The following ZNF521 variants were observed in gnomAD, a reference collection of about 807,000 sequenced individuals.
ZNF521 encodes the protein LYST-interacting protein 3.
Under a neutral mutation model 105.5 loss-of-function variants are expected in ZNF521, and 14 were observed. That is an observed-to-expected ratio of 0.13 (90% CI 0.09 to 0.21). The LOEUF (loss-of-function observed/expected upper bound fraction) is 0.21. ZNF521 is among the 10% of genes least tolerant of loss of function. The probability of loss-of-function intolerance (pLI) is 1.00; values close to 1 mark genes in which losing one functional copy is unlikely to be tolerated. For synonymous variants in ZNF521, 635 were observed against 606.0 expected, an observed-to-expected ratio of 1.05 and a Z score of -0.70; for missense variants, 1,233 against 1,629.7, an observed-to-expected ratio of 0.76 and a Z score of 4.19.
rs564567054 is a variant in ZNF521 at position 25,062,538 on chromosome 18, C to A, written c.*174G>T. On this transcript the variant is annotated 3_prime_UTR_variant, in exon 8 of 8. Coordinates refer to ENST00000361524, the MANE Select transcript of ZNF521 (RefSeq NM_015461.3). ...ACACTTTATATACAAGGGGTCTATC[C>A]GGTGCGCAAAAGTTCAAACACATGA... 36 of 789,276 alleles carry A rather than the reference C, an allele frequency of 4.6e-5. No homozygotes were observed. The African/African-American group carries it at 6.0e-4, about 13-fold the overall frequency. The allele number at this position is 789,276 out of a possible 1,614,324, so 48.9% of individuals were successfully genotyped here.
chr18:25,295,368 T>C (rs912216561), intron 3 of ZNF521, among the ~76,000 whole-genome samples: 4 of 152,232 alleles, frequency 2.6e-5, no homozygotes, highest in Admixed American at 6.5e-5. Flanking sequence ...TATGCCATTA[T>C]GTTAGAAAGA....
intron 3 of ZNF521, among the ~76,000 whole-genome samples, chr18:25,272,144 C>T (rs2144945791): frequency 6.6e-6 from 1 of 152,130 alleles, no homozygotes; most frequent in East Asian, 1.9e-4. Context: ...ACACAGCCAA[C>T]AAACATATGA....
chr18:25,324,398 CAAAA>C (rs34574068), intron 2 of ZNF521, among the ~76,000 whole-genome samples: 30 of 116,504 alleles, frequency 2.6e-4, no homozygotes, highest in South Asian at 7.4e-4. Context: ...GCAACAGATG[CAAAA>C]AAAAAAAAAA....
chr18:25,286,913 A>C (rs1910736313), intron 3 of ZNF521, among the ~76,000 whole-genome samples: 1 of 152,196 alleles, frequency 6.6e-6, no homozygotes, highest in African/African-American at 2.4e-5. Flanking sequence ...TTCAATTCCA[A>C]ATATCTTTTG....
intron 5 of ZNF521, among the ~76,000 whole-genome samples, chr18:25,114,011 T>A (rs1309707295): frequency 6.6e-6 from 1 of 152,104 alleles, no homozygotes; most frequent in Non-Finnish European, 1.5e-5. Context: ...TTTTCTGCCT[T>A]GTGCCCTCAT....
At position 25,331,318 on chromosome 18, in the gene ZNF521, TA is replaced by T. The variant is rs57412730; in HGVS notation, c.41-9132del. 4.1e-3 allele frequency among the ~76,000 whole-genome samples: 615 copies of T among 148,316 alleles called. 7 individuals carry two copies. The highest frequency in any genetic ancestry group is 0.013 in the African/African-American group (534 of 40,576). On this transcript the variant is annotated intron_variant, in intron 2 of 7. Coordinates refer to ENST00000361524, the MANE Select transcript of ZNF521 (RefSeq NM_015461.3). The stretch of plus-strand genomic sequence containing the variant: ...GATAGTAAAGCAACTTTAAAACTGC[TA>T]AAAAAAAAAATCCACTCTGGAGGAA...
intron 5 of ZNF521, among the ~76,000 whole-genome samples, chr18:25,098,287 G>A (rs894133013): frequency 6.6e-6 from 1 of 152,150 alleles, no homozygotes. Flanking sequence ...TAAGCACACA[G>A]ACTACAATGT....
chr18:25,069,525 T>C (rs909600831), intron 7 of ZNF521, among the ~76,000 whole-genome samples: 1 of 152,210 alleles, frequency 6.6e-6, no homozygotes, highest in African/African-American at 2.4e-5. Context: ...TACCCTACTT[T>C]GCCCACCCCA....
At chr18:25,318,185 T>A (rs568710377) in intron 3 of ZNF521, among the ~76,000 whole-genome samples, 2 of 152,132 alleles carry the variant, frequency 1.3e-5, no homozygotes, top group African/African-American at 4.8e-5. Context: ...CTCATAGACA[T>A]TATGCTGAAC....
intron 3 of ZNF521, among the ~76,000 whole-genome samples, chr18:25,297,381 C>T (rs1911383217): frequency 1.3e-5 from 2 of 152,090 alleles, no homozygotes; most frequent in African/African-American, 4.8e-5. Flanking sequence ...AAAATCAATT[C>T]ACAATATTCA....
chr18:25,263,732 T>A (rs11083113), intron 3 of ZNF521, among the ~76,000 whole-genome samples: 1 of 151,914 alleles, frequency 6.6e-6, no homozygotes, highest in Non-Finnish European at 1.5e-5. Context: ...CACACTGCCA[T>A]GCCCAGTTAA....
chr18:25,236,067 A>G (rs1422097684), intron 3 of ZNF521, among the ~76,000 whole-genome samples: 1 of 152,188 alleles, frequency 6.6e-6, no homozygotes, highest in African/African-American at 2.4e-5. Context: ...TAAAGCACAG[A>G]CTGACTCACA....
At chr18:25,208,641 T>C (rs1172670831) in intron 4 of ZNF521, among the ~76,000 whole-genome samples, 2 of 152,180 alleles carry the variant, frequency 1.3e-5, no homozygotes, top group East Asian at 3.8e-4. Flanking sequence ...AAACATGTGG[T>C]CACTGCTTAT....
chr18:25,172,923 C>T (rs573969400), intron 5 of ZNF521, among the ~76,000 whole-genome samples: 1 of 152,290 alleles, frequency 6.6e-6, no homozygotes, highest in Admixed American at 6.5e-5. Flanking sequence ...TACTATTAGG[C>T]AGATATCATG....
intron 2 of ZNF521, among the ~76,000 whole-genome samples, chr18:25,325,397 C>A (rs538554031): frequency 6.6e-6 from 1 of 152,216 alleles, no homozygotes; most frequent in South Asian, 2.1e-4. Flanking sequence ...AATTGTATTA[C>A]TCTGCTAGCC....
intron 4 of ZNF521, among the ~76,000 whole-genome samples, chr18:25,210,916 G>C (rs2036167864): frequency 6.6e-6 from 1 of 152,190 alleles, no homozygotes; most frequent in South Asian, 2.1e-4. Flanking sequence ...AACCATATTT[G>C]TATAAAGCTT....
intron 2 of ZNF521, among the ~76,000 whole-genome samples, chr18:25,347,205 C>T (rs1568092099): frequency 6.6e-6 from 1 of 152,158 alleles, no homozygotes; most frequent in African/African-American, 2.4e-5. Flanking sequence ...CATGTCTACT[C>T]TCAGGAATTG....
intron 5 of ZNF521, among the ~76,000 whole-genome samples, chr18:25,096,141 C>T (rs1431685826): frequency 6.6e-6 from 1 of 152,132 alleles, no homozygotes; most frequent in Non-Finnish European, 1.5e-5. Flanking sequence ...TAAATGTAAA[C>T]AGGAATCAAG....
intron 5 of ZNF521, among the ~76,000 whole-genome samples, chr18:25,150,719 G>C (rs1191093943): frequency 6.6e-6 from 1 of 151,714 alleles, no homozygotes; most frequent in Non-Finnish European, 1.5e-5. Context: ...ACATCTATTG[G>C]GTCATAACTC....
Sources: gnomAD v4.1 joint callset for allele counts (sites outside exome capture counted in the v4.1 genomes callset) on GRCh38, gnomAD v4.1.1 for gene constraint, MANE v1.5 for transcripts, NCBI Gene and HGNC (gene_info 2026-07-23, HGNC 2026-07-21) for gene names.